Variants in KCTD8 observed in about 807,000 individuals in gnomAD.
The protein encoded by KCTD8 is BTB/POZ domain-containing protein KCTD8.
KCTD8 carries 27 observed loss-of-function variants against 31.5 expected under a neutral mutation model. That is an observed-to-expected ratio of 0.86 (90% CI 0.63 to 1.18). The LOEUF (loss-of-function observed/expected upper bound fraction) is 1.18, where lower values mean the gene tolerates loss of function less well. KCTD8 is among the 50% of genes most tolerant of loss of function. KCTD8 has a pLI of 0.00. For missense variants in KCTD8, 658 were observed against 647.7 expected, an observed-to-expected ratio of 1.02 and a Z score of -0.17; for synonymous variants, 290 against 280.0, an observed-to-expected ratio of 1.04 and a Z score of -0.36.
chr4:44,291,737 C>G (rs1439646698), intron 1 of KCTD8, among the ~76,000 whole-genome samples: 1 of 151,822 alleles, frequency 6.6e-6, no homozygotes, highest in Non-Finnish European at 1.5e-5. Context: ...TGAGAAAGGT[C>G]CAATATCCAG....
chr4:44,213,553 C>T (rs1458643343), intron 1 of KCTD8, among the ~76,000 whole-genome samples: 1 of 152,042 alleles, frequency 6.6e-6, no homozygotes. Flanking sequence ...TATGAATTTT[C>T]CAATTAATCA....
At chr4:44,267,607 C>A (rs1005321842) in intron 1 of KCTD8, among the ~76,000 whole-genome samples, 3 of 152,040 alleles carry the variant, frequency 2.0e-5, no homozygotes, top group African/African-American at 7.2e-5. Flanking sequence ...AATCCAGGAG[C>A]TGGTTTTTTG....
At chr4:44,292,895 C>T (rs7663127) in intron 1 of KCTD8, among the ~76,000 whole-genome samples, 105,034 of 151,826 alleles carry the variant, frequency 0.69, 36,447 homozygotes, top group African/African-American at 0.75. Context: ...CTAAATGTGT[C>T]CAACTAATTT....
At chr4:44,413,068 C>T (rs994786474) in intron 1 of KCTD8, among the ~76,000 whole-genome samples, 1 of 152,106 alleles carries the variant, frequency 6.6e-6, no homozygotes, top group Non-Finnish European at 1.5e-5. Context: ...GTAAAAGATG[C>T]TTATTCTGCC....
chr4:44,333,844 A>G (rs1031541962), intron 1 of KCTD8, among the ~76,000 whole-genome samples: 1 of 152,146 alleles, frequency 6.6e-6, no homozygotes, highest in African/African-American at 2.4e-5. Flanking sequence ...AGTGACTGCT[A>G]TATTATTCGG....
chr4:44,313,032 C>T (rs1424362574), intron 1 of KCTD8, among the ~76,000 whole-genome samples: 1 of 152,120 alleles, frequency 6.6e-6, no homozygotes, highest in Non-Finnish European at 1.5e-5. Flanking sequence ...CTTTCATAAT[C>T]ATCTCTCATA....
chr4:44,188,807 A>C (rs940711091), intron 1 of KCTD8, among the ~76,000 whole-genome samples: 1 of 152,202 alleles, frequency 6.6e-6, no homozygotes, highest in African/African-American at 2.4e-5. Flanking sequence ...AGCTGCCATC[A>C]GAAACAAGCA....
chr4:44,294,750 T>C (rs969191915), intron 1 of KCTD8, among the ~76,000 whole-genome samples: 1 of 152,194 alleles, frequency 6.6e-6, no homozygotes, highest in African/African-American at 2.4e-5. Flanking sequence ...TTTTCAACTG[T>C]TGGACTTGCT....
At chr4:44,244,913 G>A (rs1715610075) in intron 1 of KCTD8, among the ~76,000 whole-genome samples, 2 of 149,598 alleles carry the variant, frequency 1.3e-5, no homozygotes. Context: ...CTTTTCTCTT[G>A]TTAATCTGTC....
chr4:44,198,148 G>A (rs539221194), intron 1 of KCTD8, among the ~76,000 whole-genome samples: 24 of 152,106 alleles, frequency 1.6e-4, no homozygotes, highest in African/African-American at 5.3e-4. Context: ...GAGAAATATG[G>A]GACTATGTAA....
At chr4:44,368,494 T>C (rs533753869) in intron 1 of KCTD8, among the ~76,000 whole-genome samples, 5 of 152,326 alleles carry the variant, frequency 3.3e-5, no homozygotes, top group African/African-American at 1.2e-4. Flanking sequence ...CTAATTCTTT[T>C]GGGTGAGATT....
At chr4:44,411,870 G>A (rs879293511) in intron 1 of KCTD8, among the ~76,000 whole-genome samples, 3 of 152,038 alleles carry the variant, frequency 2.0e-5, no homozygotes, top group Non-Finnish European at 4.4e-5. Flanking sequence ...TCTATTCAGG[G>A]TCTCAGAAAG....
At chr4:44,399,980 T>C (rs1720604096) in intron 1 of KCTD8, among the ~76,000 whole-genome samples, 2 of 152,234 alleles carry the variant, frequency 1.3e-5, no homozygotes, top group South Asian at 4.1e-4. Flanking sequence ...TAATTCATTT[T>C]TTCTGTTATA....
intron 1 of KCTD8, among the ~76,000 whole-genome samples, chr4:44,244,035 T>C (rs1715580029): frequency 1.3e-5 from 2 of 151,832 alleles, no homozygotes; most frequent in African/African-American, 2.4e-5. Flanking sequence ...TCAGGTAGGG[T>C]TGCCAGATAA....
intron 1 of KCTD8, among the ~76,000 whole-genome samples, chr4:44,262,503 C>T (rs1338890097): frequency 2.0e-5 from 3 of 151,968 alleles, no homozygotes; most frequent in South Asian, 2.1e-4. Context: ...ATATATTCTT[C>T]GTATAAGTCA....
chr4:44,367,111 G>T lies in KCTD8; in HGVS notation c.961+80452C>A, dbSNP rs1440279872. On this transcript the variant is annotated intron_variant, in intron 1 of 1. Transcript: ENST00000360029. ...CTCCCTCCTGCTACGGGCTCTTCACGCAGGCTGTTCCTTCTTCCTCTTCCA... is the reference window on the plus strand; with the variant it reads ...CTCCCTCCTGCTACGGGCTCTTCACTCAGGCTGTTCCTTCTTCCTCTTCCA... 2.6e-5 allele frequency among the ~76,000 whole-genome samples: 4 copies of T among 152,086 alleles called. No homozygotes were observed. In the East Asian group the frequency reaches 7.7e-4, roughly 29 times the overall value.
intron 1 of KCTD8, among the ~76,000 whole-genome samples, chr4:44,259,126 T>C (rs891712248): frequency 2.0e-5 from 3 of 151,888 alleles, no homozygotes; most frequent in Admixed American, 1.3e-4. Context: ...ACAAAAGCAC[T>C]TACACTTCAG....
intron 1 of KCTD8, among the ~76,000 whole-genome samples, chr4:44,428,164 T>A (rs1721392168): frequency 6.6e-6 from 1 of 151,724 alleles, no homozygotes; most frequent in Non-Finnish European, 1.5e-5. Context: ...TTAATATAAA[T>A]ACAAAATTTG....
chr4:44,230,316 G>A (rs889722017), intron 1 of KCTD8, among the ~76,000 whole-genome samples: 4 of 152,060 alleles, frequency 2.6e-5, no homozygotes, highest in Non-Finnish European at 4.4e-5. Context: ...TTCTGCCCAC[G>A]ACAACTTTAC....
Sources: gnomAD v4.1 joint callset for allele counts (sites outside exome capture counted in the v4.1 genomes callset) on GRCh38, gnomAD v4.1.1 for gene constraint, MANE v1.5 for transcripts, NCBI Gene and HGNC (gene_info 2026-07-23, HGNC 2026-07-21) for gene names.